CEP57L1: variants seen among roughly 807,000 people sequenced by gnomAD.
CEP57L1 encodes the protein centrosomal protein 57 like 1, also known as centrosomal protein CEP57L1.
In CEP57L1, 37 loss-of-function variants were observed where a neutral mutation model predicts 61.0. The observed-to-expected ratio is 0.61, with a 90% CI of 0.47 to 0.80. CEP57L1 has a LOEUF of 0.80. Among genes scored for constraint, CEP57L1 ranks in the 30% least tolerant of loss-of-function variants. The probability of loss-of-function intolerance (pLI) is 0.00; values close to 1 mark genes in which losing one functional copy is unlikely to be tolerated. For missense variants in CEP57L1, 422 were observed against 524.7 expected, an observed-to-expected ratio of 0.80 and a Z score of 1.91; for synonymous variants, 137 against 162.3, an observed-to-expected ratio of 0.84 and a Z score of 1.19.
intron 1 of CEP57L1, among the ~76,000 whole-genome samples, chr6:109,141,979 TGTC>T: frequency 6.6e-6 from 1 of 152,306 alleles, no homozygotes; most frequent in East Asian, 1.9e-4. Flanking sequence ...TGCCCCCTAA[TGTC>T]GTCTCCCTAG....
intron 1 of CEP57L1, chr6:109,100,396 C>T (rs892268797): frequency 9.2e-5 from 14 of 151,844 alleles, no homozygotes; most frequent in African/African-American, 1.5e-4. Context: ...AAAACAAAGC[C>T]GGGCACAGTG....
chr6:109,168,274 ATCCAAT>A lies in CEP57L1; in HGVS notation c.*5307_*5312del, dbSNP rs1425119953. On this transcript the variant is annotated 3_prime_UTR_variant, in exon 11 of 11. Coordinates refer to ENST00000517392, the MANE Select transcript of CEP57L1 (RefSeq NM_001271852.3). ...AAATGCCGGCCATAGCCAGTCTATA[ATCCAAT>A]TCAAAGGCATGAGTGGAAAAAGTGG... is the stretch of plus-strand genomic sequence containing the variant. Among the ~76,000 whole-genome samples, 1 of 152,244 alleles carries A rather than the reference ATCCAAT, an allele frequency of 6.6e-6. No individual in the cohort carries two copies. Among genetic ancestry groups the A allele is most frequent in the African/African-American group, 2.4e-5 (1 of 41,456 alleles).
At chr6:109,154,274 C>T (rs1772987225) in intron 5 of CEP57L1, among the ~76,000 whole-genome samples, 1 of 152,158 alleles carries the variant, frequency 6.6e-6, no homozygotes, top group South Asian at 2.1e-4. Context: ...TTCCCCTCTT[C>T]ATCCTTTTTC....
intron 1 of CEP57L1, among the ~76,000 whole-genome samples, chr6:109,112,875 C>T (rs1228623340): frequency 6.6e-6 from 1 of 152,106 alleles, no homozygotes; most frequent in Non-Finnish European, 1.5e-5. Context: ...GTCTGAGAGA[C>T]TGTTTGTTAT....
At chr6:109,144,562 G>A (rs1167692257) in intron 1 of CEP57L1, among the ~76,000 whole-genome samples, 3 of 152,064 alleles carry the variant, frequency 2.0e-5, no homozygotes, top group East Asian at 3.9e-4. Context: ...CTGCTTAAAT[G>A]GTTAAAAGGG....
intron 1 of CEP57L1, among the ~76,000 whole-genome samples, chr6:109,099,830 G>A (rs908107404): frequency 1.3e-5 from 2 of 152,224 alleles, no homozygotes; most frequent in Admixed American, 1.3e-4. Flanking sequence ...TTACAGGCGT[G>A]AGCCACCGTG....
At chr6:109,118,798 C>G (rs936730897) in intron 1 of CEP57L1, among the ~76,000 whole-genome samples, 1 of 152,252 alleles carries the variant, frequency 6.6e-6, no homozygotes, top group South Asian at 2.1e-4. Context: ...ATTGCTCTGA[C>G]TTTTCGGTAG....
At chr6:109,123,999 A>T (rs1158520093) in intron 1 of CEP57L1, among the ~76,000 whole-genome samples, 2 of 152,006 alleles carry the variant, frequency 1.3e-5, no homozygotes, top group African/African-American at 4.8e-5. Flanking sequence ...TGAACCCAGA[A>T]GGTGGAGGTT....
chr6:109,161,418 C>G (rs981550070), intron 10 of CEP57L1, among the ~76,000 whole-genome samples: 5 of 152,120 alleles, frequency 3.3e-5, no homozygotes, highest in Non-Finnish European at 5.9e-5. Flanking sequence ...CCCAGGAACC[C>G]TCAAGTCACA....
chr6:109,122,957 CTTTAAT>C (rs748469958), intron 1 of CEP57L1, among the ~76,000 whole-genome samples: 31 of 152,262 alleles, frequency 2.0e-4, no homozygotes, highest in Non-Finnish European at 5.9e-5. Flanking sequence ...GATCTTCAAA[CTTTAAT>C]TTATATAAGA....
chr6:109,160,794 C>T lies in CEP57L1; in HGVS notation c.1161+78C>T. ...AGTGTTGTATCTCTGTATGACTTTC[C>T]AAATTTGAGGTCTGTATATGGGATT... On this transcript the variant is annotated intron_variant, in intron 10 of 10. Transcript: ENST00000517392. 5.0e-6 allele frequency: 7 copies of T among 1,412,224 alleles called. No individual in the cohort carries two copies. In the South Asian group the frequency reaches 1.0e-4, roughly 21 times the overall value. The allele number at this position is 1,412,224 out of a possible 1,614,324, so 87.5% of individuals were successfully genotyped here. A position where few individuals can be genotyped will look rare whatever the true frequency, so the allele number is the denominator to read the frequency against.
In CEP57L1 at chr6:109,167,960, GAT is replaced by G. The variant is rs1774212014; in HGVS notation, c.*4992_*4993del. Reference sequence around the variant, plus strand: ...CAAGTTGCTTATAGTCTTGAGGAGAGATAAGATGTATATATATTTAAAAGGAA... The same window carrying G: ...CAAGTTGCTTATAGTCTTGAGGAGAGAAGATGTATATATATTTAAAAGGAA... On this transcript the variant is annotated 3_prime_UTR_variant, in exon 11 of 11. Transcript: ENST00000517392. 6.6e-6 allele frequency among the ~76,000 whole-genome samples: 1 copy of G among 152,202 alleles called. No individual in the cohort carries two copies. The highest frequency in any genetic ancestry group is 1.5e-5 in the Non-Finnish European group (1 of 68,046).
chr6:109,155,199 T>A (rs774693140), intron 5 of CEP57L1, 31 bp from the exon 6 acceptor site: 1 of 1,348,844 alleles, frequency 7.4e-7, no homozygotes, highest in African/African-American at 1.5e-5. Flanking sequence ...CTAGTTTTTA[T>A]GTAACAATCT....
At position 109,168,650 on chromosome 6, in the gene CEP57L1, C is replaced by G. The variant is rs2114989379; in HGVS notation, c.*5680C>G. Among the ~76,000 whole-genome samples, 1 of 142,306 alleles carries G rather than the reference C, an allele frequency of 7.0e-6. No individual in the cohort carries two copies. Among genetic ancestry groups the G allele is most frequent in the South Asian group, 2.2e-4 (1 of 4,460 alleles). 93.4% of individuals were successfully genotyped at this position (142,306 alleles called of 152,430 possible). On this transcript the variant is annotated 3_prime_UTR_variant, in exon 11 of 11. Transcript: ENST00000517392. ...TCGCTCCTTCACCCAGGCTGGAGTG[C>G]AATGGTACAATCTCGTCTCACTGCA...
At chr6:109,095,706 C>A in intron 1 of CEP57L1, 131 bp downstream of exon 1, 1 of 463,678 alleles carries the variant, frequency 2.2e-6, no homozygotes. Context: ...CAGTGACTTG[C>A]GTGGGAAGGA....
At chr6:109,138,450 A>G (rs1429812406) in intron 1 of CEP57L1, among the ~76,000 whole-genome samples, 1 of 152,196 alleles carries the variant, frequency 6.6e-6, no homozygotes, top group Admixed American at 6.5e-5. Flanking sequence ...AAATTTTGAT[A>G]TTATAAATAA....
chr6:109,136,824 C>T (rs376815587), intron 1 of CEP57L1, among the ~76,000 whole-genome samples: 3 of 151,794 alleles, frequency 2.0e-5, no homozygotes, highest in Admixed American at 6.6e-5. Flanking sequence ...GGCACAATCT[C>T]GGCTCACTGC....
At chr6:109,113,075 C>T (rs996395221) in intron 1 of CEP57L1, among the ~76,000 whole-genome samples, 4 of 152,116 alleles carry the variant, frequency 2.6e-5, no homozygotes, top group African/African-American at 9.7e-5. Flanking sequence ...TGTTAATTGT[C>T]TATCCCGTTG....
chr6:109,114,126 C>T (rs1014190475), intron 1 of CEP57L1, among the ~76,000 whole-genome samples: 1 of 151,956 alleles, frequency 6.6e-6, no homozygotes, highest in Non-Finnish European at 1.5e-5. Flanking sequence ...TTCTGAGGAA[C>T]CTCCATACTG....
Sources: gnomAD v4.1 joint callset for allele counts (sites outside exome capture counted in the v4.1 genomes callset) on GRCh38, gnomAD v4.1.1 for gene constraint, MANE v1.5 for transcripts, NCBI Gene and HGNC (gene_info 2026-07-23, HGNC 2026-07-21) for gene names.